The following CNTN5 variants were observed in gnomAD, a reference collection of about 807,000 sequenced individuals.
CNTN5 encodes contactin-5.
A neutral mutation model predicts 129.1 loss-of-function variants in CNTN5; 77 were observed. That is an observed-to-expected ratio of 0.60 (90% CI 0.50 to 0.72). The LOEUF is 0.72. CNTN5 is among the 30% of genes least tolerant of loss of function. The pLI is 0.00. For missense variants in CNTN5, 1,478 were observed against 1,328.8 expected, an observed-to-expected ratio of 1.11 and a Z score of -1.75; for synonymous variants, 509 against 465.6, an observed-to-expected ratio of 1.09 and a Z score of -1.20.
chr11:99,229,541 A>AAC (rs113130533), intron 1 of CNTN5, among the ~76,000 whole-genome samples: 16,680 of 143,592 alleles, frequency 0.12, 1,738 homozygotes, highest in East Asian at 0.45. Flanking sequence ...AAAAAAAAAA[A>AAC]AGGACACAGC....
At chr11:99,490,017 C>T (rs1191947845) in intron 2 of CNTN5, among the ~76,000 whole-genome samples, 1 of 152,106 alleles carries the variant, frequency 6.6e-6, no homozygotes, top group African/African-American at 2.4e-5. Context: ...GACATATTCA[C>T]CCCTAGAATT....
At chr11:99,337,502 C>T (rs1415057451) in intron 2 of CNTN5, among the ~76,000 whole-genome samples, 2 of 152,200 alleles carry the variant, frequency 1.3e-5, no homozygotes, top group African/African-American at 4.8e-5. Flanking sequence ...GGAACACGCC[C>T]TTAAGACACA....
At chr11:99,551,030 T>TAAAAA (rs1353333699) in intron 2 of CNTN5, among the ~76,000 whole-genome samples, 26 of 152,140 alleles carry the variant, frequency 1.7e-4, no homozygotes, top group African/African-American at 5.8e-4. Flanking sequence ...AATAACTGCA[T>TAAAAA]AAAAATAATG....
chr11:99,087,802 C>A (rs1866061136), intron 1 of CNTN5, among the ~76,000 whole-genome samples: 1 of 152,134 alleles, frequency 6.6e-6, no homozygotes, highest in Non-Finnish European at 1.5e-5. Flanking sequence ...AATAACAAGA[C>A]ATTTTTTAGT....
At chr11:99,528,201 T>A (rs977071928) in intron 2 of CNTN5, among the ~76,000 whole-genome samples, 9 of 152,288 alleles carry the variant, frequency 5.9e-5, no homozygotes, top group Non-Finnish European at 1.2e-4. Flanking sequence ...AAAAATTCTT[T>A]ACATATTTAA....
intron 8 of CNTN5, among the ~76,000 whole-genome samples, chr11:99,981,103 T>TATATATATATATATATATATAC (rs1014330113): frequency 4.2e-4 from 23 of 54,474 alleles, no homozygotes; most frequent in East Asian, 3.4e-3. Flanking sequence ...TATATATATA[T>TATATATATATATATATATATAC]ACACACACAC....
At position 99,182,193 on chromosome 11, in the gene CNTN5, C is replaced by T. The variant is rs192937006; in HGVS notation, c.-209-143153C>T. On this transcript the variant is annotated intron_variant, in intron 1 of 24. Coordinates refer to ENST00000524871, the MANE Select transcript of CNTN5 (RefSeq NM_014361.4). Reference sequence around the variant, plus strand: ...TGGCAGTGTGAGGATATTGCTTTTTCCCATTAATTTTTCATATTTTAATAC... The same window carrying T: ...TGGCAGTGTGAGGATATTGCTTTTTTCCATTAATTTTTCATATTTTAATAC... Among the ~76,000 whole-genome samples, 26 of 152,202 alleles carry T rather than the reference C, an allele frequency of 1.7e-4. No homozygotes were observed. The East Asian group carries it at 2.7e-3, about 16-fold the overall frequency.
At chr11:99,969,960 A>C (rs1951204963) in intron 8 of CNTN5, among the ~76,000 whole-genome samples, 4 of 152,200 alleles carry the variant, frequency 2.6e-5, no homozygotes, top group Admixed American at 2.0e-4. Context: ...TTTTGAATTT[A>C]GAATATCCCA....
intron 3 of CNTN5, among the ~76,000 whole-genome samples, chr11:99,570,023 A>G (rs991162809): frequency 2.0e-5 from 3 of 152,052 alleles, no homozygotes; most frequent in Non-Finnish European, 4.4e-5. Flanking sequence ...AGAAGGTAAG[A>G]TATTTGAATA....
chr11:99,380,414 T>A (rs2136156906), intron 2 of CNTN5, among the ~76,000 whole-genome samples: 1 of 152,290 alleles, frequency 6.6e-6, no homozygotes, highest in South Asian at 2.1e-4. Flanking sequence ...AAATGAGCAA[T>A]GATCATTACA....
At chr11:99,493,764 C>A (rs977107969) in intron 2 of CNTN5, among the ~76,000 whole-genome samples, 1 of 152,052 alleles carries the variant, frequency 6.6e-6, no homozygotes, top group African/African-American at 2.4e-5. Flanking sequence ...AACGATTGGT[C>A]CATGTATTTT....
intron 2 of CNTN5, among the ~76,000 whole-genome samples, chr11:99,379,534 T>C (rs1940396030): frequency 6.6e-6 from 1 of 152,196 alleles, no homozygotes; most frequent in South Asian, 2.1e-4. Flanking sequence ...TTGAAAGTTG[T>C]ATTCTGACCC....
At chr11:99,526,216 G>A (rs941134346) in intron 2 of CNTN5, among the ~76,000 whole-genome samples, 5 of 152,112 alleles carry the variant, frequency 3.3e-5, no homozygotes, top group African/African-American at 9.7e-5. Context: ...GAAATGACGT[G>A]GTAGAAGAAG....
At chr11:99,996,135 G>T (rs1317680415) in intron 8 of CNTN5, among the ~76,000 whole-genome samples, 1 of 152,060 alleles carries the variant, frequency 6.6e-6, no homozygotes, top group African/African-American at 2.4e-5. Flanking sequence ...TATTGACACT[G>T]CCCATGCCCT....
Position 99,846,129 on chromosome 11 carries a change from G to GACACACACACACACACAC in CNTN5, c.577+882_577+899dup, listed in dbSNP as rs10650307. ...TATTGTATGTGGCTATACGGACATAGACACACACACACACACACACACACA... is the reference window on the plus strand; with the variant it reads ...TATTGTATGTGGCTATACGGACATAGACACACACACACACACACACACACACACACACACACACACACA... On this transcript the variant is annotated intron_variant, in intron 6 of 24. Transcript: ENST00000524871. Among the ~76,000 whole-genome samples, 470 of 144,706 alleles carry GACACACACACACACACAC rather than the reference G, an allele frequency of 3.2e-3. 4 individuals carry two copies. The highest frequency in any genetic ancestry group is 6.3e-3 in the Admixed American group (90 of 14,360). The allele number at this position is 144,706 out of a possible 152,430, so 94.9% of individuals were successfully genotyped here.
At chr11:99,841,785 A>ATATG (rs1565592894) in intron 4 of CNTN5, among the ~76,000 whole-genome samples, 2 of 3,812 alleles carry the variant, frequency 5.2e-4, no homozygotes, top group East Asian at 0.022. Context: ...TGACATTTAT[A>ATATG]TATATATATA....
At chr11:99,985,851 A>G (rs770091503) in intron 8 of CNTN5, among the ~76,000 whole-genome samples, 47 of 152,150 alleles carry the variant, frequency 3.1e-4, no homozygotes, top group Non-Finnish European at 6.2e-4. Context: ...ATATACATCA[A>G]TGATCCATCC....
At chr11:99,617,024 T>C (rs12787370) in intron 3 of CNTN5, among the ~76,000 whole-genome samples, 19,927 of 152,204 alleles carry the variant, frequency 0.13, 1,399 homozygotes, top group Non-Finnish European at 0.17. Flanking sequence ...GGCAGGAGAA[T>C]TGCTTGAACC....
chr11:99,487,191 T>A (rs1396780449), intron 2 of CNTN5, among the ~76,000 whole-genome samples: 1 of 152,232 alleles, frequency 6.6e-6, no homozygotes, highest in Non-Finnish European at 1.5e-5. Flanking sequence ...TACCATCACG[T>A]GTCCACCACG....
Sources: allele counts gnomAD v4.1 joint callset (sites outside exome capture counted in the v4.1 genomes callset), GRCh38; gene constraint gnomAD v4.1.1; transcripts MANE v1.5; gene names NCBI Gene and HGNC (gene_info 2026-07-23, HGNC 2026-07-21).